PIK3C2A: variants seen among roughly 807,000 people sequenced by gnomAD.
The protein encoded by PIK3C2A is phosphatidylinositol-4-phosphate 3-kinase catalytic subunit type 2 alpha.
Under a neutral mutation model 204.5 loss-of-function variants are expected in PIK3C2A, and 97 were observed. The observed-to-expected ratio is 0.47, with a 90% CI of 0.40 to 0.56. The LOEUF (loss-of-function observed/expected upper bound fraction) is 0.56, where lower values mean the gene tolerates loss of function less well. PIK3C2A is among the 20% of genes least tolerant of loss of function. The pLI, the probability that PIK3C2A is intolerant of heterozygous loss-of-function variation, is 0.00. For missense variants in PIK3C2A, 1,735 were observed against 1,969.2 expected (o/e 0.88, Z 2.25); for synonymous variants, 653 against 664.4 (o/e 0.98, Z 0.26).
chr11:17,166,851 T>A (rs1850971537), intron 2 of PIK3C2A, among the ~76,000 whole-genome samples: 2 of 152,284 alleles, frequency 1.3e-5, no homozygotes, highest in South Asian at 4.1e-4. Context: ...GAGAAACCTA[T>A]AAAATAGAGA....
chr11:17,105,820 C>G (rs1848792931), intron 22 of PIK3C2A, among the ~76,000 whole-genome samples: 2 of 152,120 alleles, frequency 1.3e-5, no homozygotes, highest in South Asian at 2.1e-4. Context: ...CAAAAAAATT[C>G]AAGTCTGCCT....
chr11:17,172,365 A>G (rs1851201885), intron 1 of PIK3C2A, among the ~76,000 whole-genome samples: 1 of 152,182 alleles, frequency 6.6e-6, no homozygotes, highest in Non-Finnish European at 1.5e-5. Flanking sequence ...ACTGAGGATG[A>G]GAGGGGCCAG....
intron 25 of PIK3C2A, among the ~76,000 whole-genome samples, chr11:17,100,514 G>A (rs532345702): frequency 1.8e-4 from 27 of 152,180 alleles, no homozygotes; most frequent in Middle Eastern, 3.4e-3. Context: ...GAGCCACCGC[G>A]CCTGGCCTAG....
rs11024170 is a variant in PIK3C2A, at chr11:17,154,891, T to C, written c.1169+635A>G. ...GACCCTTTTTAAGTTCAAGATGGGTTTCTAGCACTCGTAACAGAAGTCACA... is the reference window on the plus strand; with the variant it reads ...GACCCTTTTTAAGTTCAAGATGGGTCTCTAGCACTCGTAACAGAAGTCACA... On this transcript the variant is annotated intron_variant, in intron 3 of 32. Coordinates refer to ENST00000691414, the MANE Select transcript of PIK3C2A (RefSeq NM_002645.4). 5.9e-3 allele frequency among the ~76,000 whole-genome samples: 906 copies of C among 152,290 alleles called. 18 individuals carry two copies. Among genetic ancestry groups the C allele is most frequent in the African/African-American group, 0.021 (862 of 41,550 alleles).
chr11:17,165,782 GAAAAAAAAAAAAAAAA>G (rs35384397), intron 2 of PIK3C2A, among the ~76,000 whole-genome samples: 2 of 78,854 alleles, frequency 2.5e-5, no homozygotes, highest in Admixed American at 1.4e-4. Context: ...TCAAAAAAGT[GAAAAAAAAAAAAAAAA>G]AAAAAAAAAA....
intron 2 of PIK3C2A, among the ~76,000 whole-genome samples, chr11:17,164,231 A>G (rs539646310): frequency 3.2e-4 from 49 of 152,142 alleles, no homozygotes; most frequent in African/African-American, 1.1e-3. Flanking sequence ...GTGTACCTAT[A>G]GTCCCAGCCA....
At chr11:17,106,775 C>T (rs1848835168) in intron 22 of PIK3C2A, among the ~76,000 whole-genome samples, 1 of 152,140 alleles carries the variant, frequency 6.6e-6, no homozygotes, top group African/African-American at 2.4e-5. Context: ...CAAGAAGACA[C>T]TGACCTAGCT....
intron 1 of PIK3C2A, among the ~76,000 whole-genome samples, chr11:17,190,445 C>G (rs1016314221): frequency 6.6e-6 from 1 of 151,330 alleles, no homozygotes; most frequent in Non-Finnish European, 1.5e-5. Context: ...GTGGTGCGCA[C>G]CTGTAATCCT....
At chr11:17,193,718 C>T (rs565774201) in intron 1 of PIK3C2A, among the ~76,000 whole-genome samples, 4 of 151,202 alleles carry the variant, frequency 2.6e-5, no homozygotes, top group East Asian at 3.9e-4. Flanking sequence ...TGATGGCGCG[C>T]GTCTGTAGTC....
intron 11 of PIK3C2A, among the ~76,000 whole-genome samples, chr11:17,134,528 A>C (rs1849808098): frequency 6.6e-6 from 1 of 151,838 alleles, no homozygotes; most frequent in South Asian, 2.1e-4. Flanking sequence ...CACCCAGCTA[A>C]TTTTGTATTT....
chr11:17,178,751 C>G lies in PIK3C2A; in HGVS notation c.-65-8945G>C, dbSNP rs1428314576. Among the ~76,000 whole-genome samples, 3 of 124,604 alleles carry G rather than the reference C, an allele frequency of 2.4e-5. No homozygotes were observed. In the Admixed American group the frequency reaches 3.0e-4, roughly 12 times the overall value. 81.7% of individuals were successfully genotyped at this position (124,604 alleles called of 152,430 possible). On this transcript the variant is annotated intron_variant, in intron 1 of 32. Coordinates refer to ENST00000691414, the MANE Select transcript of PIK3C2A (RefSeq NM_002645.4). ...TTTTTTTTTTTTTTTGAGACGGAGT[C>G]TCGCTCTGTCGCCCAGGCCGGACTG...
intron 8 of PIK3C2A, among the ~76,000 whole-genome samples, chr11:17,145,270 C>CT (rs1368153680): frequency 1.3e-5 from 2 of 152,144 alleles, no homozygotes; most frequent in African/African-American, 2.4e-5. Flanking sequence ...TATGTCCCCC[C>CT]CAAATCTCAC....
chr11:17,093,466 G>A (rs1186432117), intron 28 of PIK3C2A, among the ~76,000 whole-genome samples: 10 of 151,938 alleles, frequency 6.6e-5, no homozygotes, highest in Non-Finnish European at 1.5e-5. Flanking sequence ...ACGGTTCACC[G>A]TGTTAGCCAG....
At chr11:17,204,025 GATCACGC>G (rs1457343862) in intron 1 of PIK3C2A, among the ~76,000 whole-genome samples, 1 of 151,466 alleles carries the variant, frequency 6.6e-6, no homozygotes, top group East Asian at 1.9e-4. Context: ...AGTGAGCGGA[GATCACGC>G]CACTGCACTC....
At chr11:17,139,450 C>T (rs1207605238) in intron 8 of PIK3C2A, among the ~76,000 whole-genome samples, 3 of 152,078 alleles carry the variant, frequency 2.0e-5, no homozygotes, top group Non-Finnish European at 4.4e-5. Flanking sequence ...TCTCCAACCC[C>T]TGACCTCAGG....
Position 17,169,549 on chromosome 11 carries a change from CT to C in PIK3C2A, c.192del (p.Ala65HisfsTer24). ...TAATCCTGCTTGTTATAAACCTGTG[CT>C]TTTTTTCTGGTGCTGCTTGACAACT... ...GFELSSSTRK[K>X]AQVYNKQDYD... is the part of the protein sequence containing the mutation. On this transcript the variant is annotated frameshift_variant, in exon 2 of 33. Transcript: ENST00000691414. LOFTEE classifies it high-confidence loss of function. 4 of 1,614,064 alleles carry C rather than the reference CT, an allele frequency of 2.5e-6. No individual in the cohort carries two copies. Among genetic ancestry groups the C allele is most frequent in the Non-Finnish European group, 3.4e-6 (4 of 1,180,002 alleles).
At chr11:17,104,724 C>CAAAAAA (rs5789973) in intron 23 of PIK3C2A, among the ~76,000 whole-genome samples, 1 of 87,388 alleles carries the variant, frequency 1.1e-5, no homozygotes, top group Admixed American at 1.4e-4. Context: ...GACTCCATCT[C>CAAAAAA]AAAAAAAAAA....
intron 9 of PIK3C2A, among the ~76,000 whole-genome samples, chr11:17,135,777 A>G (rs1376790880): frequency 6.6e-6 from 1 of 152,078 alleles, no homozygotes; most frequent in East Asian, 1.9e-4. Flanking sequence ...ACATCTCTAC[A>G]TACCACATGG....
At position 17,122,819 on chromosome 11, in the gene PIK3C2A, C is replaced by A; in HGVS notation, c.2400-6G>T. ...TAGTTCCACATGTTAAAAACCTTCA[C>A]GGATGTAAAAATAATAATGTGATTT... On this transcript the variant is annotated splice_polypyrimidine_tract_variant and splice_region_variant and intron_variant, in intron 13 of 32. Transcript: ENST00000691414. The A allele has an allele frequency of 1.8e-6, 2 of 1,097,766 alleles. No individual in the cohort carries two copies. Among genetic ancestry groups the A allele is most frequent in the Non-Finnish European group, 2.7e-6 (2 of 737,146 alleles). The allele number at this position is 1,097,766 out of a possible 1,614,324, so 68.0% of individuals were successfully genotyped here.
Sources: allele counts gnomAD v4.1 joint callset (sites outside exome capture counted in the v4.1 genomes callset), GRCh38; gene constraint gnomAD v4.1.1; transcripts MANE v1.5; gene names NCBI Gene and HGNC (gene_info 2026-07-23, HGNC 2026-07-21).